MAN1B1: variants seen among roughly 807,000 people sequenced by gnomAD.
MAN1B1 encodes mannosidase alpha class 1B member 1.
Under a neutral mutation model 75.5 loss-of-function variants are expected in MAN1B1, and 66 were observed. That is an observed-to-expected ratio of 0.87 (90% CI 0.72 to 1.07). The LOEUF (loss-of-function observed/expected upper bound fraction) is 1.07. Among genes scored for constraint, MAN1B1 ranks in the 50% least tolerant of loss-of-function variants. The probability of loss-of-function intolerance (pLI) is 0.00; values close to 1 mark genes in which losing one functional copy is unlikely to be tolerated. For missense variants in MAN1B1, 973 were observed against 912.5 expected (o/e 1.07, Z -0.85); for synonymous variants, 453 against 382.8 (o/e 1.18, Z -2.14).
intron 8 of MAN1B1, chr9:137,104,233 C>CTTTTTTTTTTT (rs377641269): frequency 3.5e-6 from 1 of 286,712 alleles, no homozygotes; most frequent in African/African-American, 2.3e-5. Flanking sequence ...ACGATTTGTC[C>CTTTTTTTTTTT]TTTTTTTGTT....
At position 137,107,365 on chromosome 9, in the gene MAN1B1, G is replaced by T; in HGVS notation, c.1682G>T (p.Arg561Leu). The T allele has an allele frequency of 6.2e-7, 1 of 1,613,400 alleles. No homozygotes were observed. The highest frequency in any genetic ancestry group is 1.7e-5 in the Admixed American group (1 of 60,028). Residue 561 changes from arginine to leucine, a missense_variant, in exon 11 of 13, where the codon CGG (arginine) becomes CTG (leucine). Arg to Leu is a moderately radical substitution (Grantham distance 102). Coordinates refer to ENST00000371589, the MANE Select transcript of MAN1B1 (RefSeq NM_016219.5). ...ELMETCYQMN[R>L]QMETGLSPEI... Reference sequence around the variant, plus strand: ...ATGGAGACTTGTTACCAGATGAACCGGCAGATGGAGACGGGGCTGAGTCCC... The same window carrying T: ...ATGGAGACTTGTTACCAGATGAACCTGCAGATGGAGACGGGGCTGAGTCCC...
In MAN1B1 at chr9:137,108,039, A is replaced by AGAG. The variant is rs376619270; in HGVS notation, c.1897-348_1897-346dup. The AGAG allele has an allele frequency of 1.0e-3, 617 of 611,074 alleles. 4 individuals carry two copies. The African/African-American group carries it at 0.011, about 11-fold the overall frequency. 37.9% of individuals were successfully genotyped at this position (611,074 alleles called of 1,614,324 possible). On this transcript the variant is annotated intron_variant, in intron 12 of 12. Coordinates refer to ENST00000371589, the MANE Select transcript of MAN1B1 (RefSeq NM_016219.5). ...TGTTTTAGGTCACGCCCTCCACGCC[A>AGAG]GAGTGTCACTTCCTGGCTCTGCTGT...
chr9:137,103,842 C>T, intron 8 of MAN1B1: 4 of 453,772 alleles, frequency 8.8e-6, no homozygotes, highest in South Asian at 4.7e-5. Flanking sequence ...GGTGGTGTTA[C>T]ACACATTCAC....
intron 8 of MAN1B1, chr9:137,105,885 G>A: frequency 1.5e-6 from 1 of 668,324 alleles, no homozygotes; most frequent in South Asian, 1.5e-5. Context: ...TCAGCTCTGT[G>A]GTGACCACCC....
intron 12 of MAN1B1, chr9:137,108,123 C>G (rs1356023114): frequency 1.6e-6 from 1 of 610,794 alleles, no homozygotes; most frequent in African/African-American, 1.9e-5. Context: ...TGCCCTGTGC[C>G]CTGTGCGGCA....
intron 1 of MAN1B1, chr9:137,087,453 C>T: frequency 1.4e-6 from 1 of 696,600 alleles, no homozygotes; most frequent in South Asian, 1.5e-5. Context: ...GAAGAGGGCT[C>T]AGAGCCCCAG....
At chr9:137,090,129 C>T (rs1830479407) in intron 3 of MAN1B1, among the ~76,000 whole-genome samples, 1 of 152,118 alleles carries the variant, frequency 6.6e-6, no homozygotes, top group Admixed American at 6.5e-5. Flanking sequence ...GGAAAACGTC[C>T]TGTCAGTGAA....
rs748121313 is a variant in MAN1B1 at position 137,087,108 on chromosome 9, A to C, written c.109A>C (p.Met37Leu). ...APWAVATTVV[M>L]YPPPPPPPHR... ...TTGGGCCGTCGCCACCACTGTAGTCATGTACCCACCGCCGCCGCCGCCGCC... is the reference window on the plus strand; with the variant it reads ...TTGGGCCGTCGCCACCACTGTAGTCCTGTACCCACCGCCGCCGCCGCCGCC... Residue 37 changes from methionine (M) to leucine (L), a missense_variant, in exon 1 of 13, where the codon ATG (methionine) becomes CTG (leucine). Physicochemically the swap from Met to Leu is conservative, Grantham distance 15. Transcript: ENST00000371589. 2.5e-6 allele frequency: 4 copies of C among 1,596,134 alleles called. No individual in the cohort carries two copies. Among genetic ancestry groups the C allele is most frequent in the South Asian group, 2.3e-5 (2 of 88,310 alleles).
Position 137,101,632 on chromosome 9 carries a change from TC to T in MAN1B1, c.1216del (p.Arg406GlyfsTer19), listed in dbSNP as rs1341045391. The T allele has an allele frequency of 6.2e-6, 10 of 1,613,230 alleles. No individual in the cohort carries two copies. Among genetic ancestry groups the T allele is most frequent in the African/African-American group, 2.7e-5 (2 of 74,946 alleles). On this transcript the variant is annotated frameshift_variant, in exon 8 of 13. Coordinates refer to ENST00000371589, the MANE Select transcript of MAN1B1 (RefSeq NM_016219.5). LOFTEE classifies it high-confidence loss of function. ...GAGGTGACCAGCATTCAGCTGGAGT[TC>T]CGGGAGCTCTCCCGTCTCACAGGGG... ...VAEVTSIQLEFRELSRLTGDK... is the reference protein window; with the variant it reads ...VAEVTSIQLEXRELSRLTGDK...
intron 3 of MAN1B1, among the ~76,000 whole-genome samples, chr9:137,093,418 G>T (rs1830568458): frequency 6.6e-6 from 1 of 152,058 alleles, no homozygotes; most frequent in Non-Finnish European, 1.5e-5. Context: ...ACAATCACAA[G>T]AAAAGAATGC....
chr9:137,099,616 A>T, intron 5 of MAN1B1, 80 bp from the exon 6 acceptor site: 1 of 1,470,038 alleles, frequency 6.8e-7, no homozygotes, highest in Non-Finnish European at 9.5e-7. Flanking sequence ...GGGTCACAGC[A>T]GTGCTCTGCC....
chr9:137,092,173 T>C (rs1258987063), intron 3 of MAN1B1, among the ~76,000 whole-genome samples: 1 of 150,778 alleles, frequency 6.6e-6, no homozygotes, highest in Non-Finnish European at 1.5e-5. Flanking sequence ...CCAGTCTGGG[T>C]AACACGGTGA....
rs1472651408 is a variant in MAN1B1 at position 137,096,172 on chromosome 9, A to G, written c.466-65A>G. ...TGTGGGCTGCACCTGAGGGCGTCCC[A>G]TAGAGGGAAAGAAGGGCAGCTCGCA... On this transcript the variant is annotated intron_variant, in intron 3 of 12. Transcript: ENST00000371589. 2.5e-6 allele frequency: 4 copies of G among 1,571,034 alleles called. No homozygotes were observed. The African/African-American group carries it at 5.4e-5, about 21-fold the overall frequency.
At chr9:137,091,528 T>TA (rs1490224984) in intron 3 of MAN1B1, among the ~76,000 whole-genome samples, 280 of 144,670 alleles carry the variant, frequency 1.9e-3, no homozygotes, top group African/African-American at 6.7e-3. Context: ...TATATTTTTT[T>TA]TTTTTTTTTT....
At chr9:137,092,143 G>C (rs1295177775) in intron 3 of MAN1B1, among the ~76,000 whole-genome samples, 3 of 152,088 alleles carry the variant, frequency 2.0e-5, no homozygotes, top group Non-Finnish European at 4.4e-5. Context: ...CAGAGGCCAA[G>C]GCAGGCAGAT....
intron 10 of MAN1B1, 172 bp from the exon 11 acceptor site, chr9:137,107,078 G>C: frequency 1.3e-6 from 1 of 787,166 alleles, no homozygotes; most frequent in Non-Finnish European, 2.0e-6. Flanking sequence ...GGGCCGGGTT[G>C]GAGGGCCTGG....
intron 4 of MAN1B1, 126 bp downstream of exon 4, chr9:137,096,517 C>T (rs1588592771): frequency 7.8e-7 from 1 of 1,283,980 alleles, no homozygotes; most frequent in Non-Finnish European, 1.1e-6. Context: ...GCTCTGTAAT[C>T]TGTCCTCATT....
At position 137,087,099 on chromosome 9, in the gene MAN1B1, A is replaced by G. The variant is rs754790007; in HGVS notation, c.100A>G (p.Thr34Ala). 4 of 1,598,060 alleles carry G rather than the reference A, an allele frequency of 2.5e-6. No individual in the cohort carries two copies. The highest frequency in any genetic ancestry group is 1.1e-5 in the South Asian group (1 of 88,498). The change falls in exon 1 of 13, where the codon ACT becomes GCT. Residue 34 changes from threonine to alanine, a missense_variant. Physicochemically the swap from Thr to Ala is moderately conservative, Grantham distance 58. Transcript: ENST00000371589. ...VGGAPWAVAT[T>A]VVMYPPPPPP... ...CGGGGCCCCTTGGGCCGTCGCCACCACTGTAGTCATGTACCCACCGCCGCC... is the reference window on the plus strand; with the variant it reads ...CGGGGCCCCTTGGGCCGTCGCCACCGCTGTAGTCATGTACCCACCGCCGCC...
Position 137,106,675 on chromosome 9 carries a change from G to C in MAN1B1, c.1446-14G>C. ...ACCGTCCTGGTAGAGTGAGATGACT[G>C]CTGGTGTCCACAGGCTGCTGGAAGA... On this transcript the variant is annotated splice_polypyrimidine_tract_variant and intron_variant, in intron 9 of 12. Transcript: ENST00000371589. 2 of 1,613,292 alleles carry C rather than the reference G, an allele frequency of 1.2e-6. 1 individual carries two copies. Among genetic ancestry groups the C allele is most frequent in the South Asian group, 2.2e-5 (2 of 91,066 alleles).
Sources: allele counts gnomAD v4.1 joint callset (sites outside exome capture counted in the v4.1 genomes callset), GRCh38; gene constraint gnomAD v4.1.1; transcripts MANE v1.5; gene names NCBI Gene and HGNC (gene_info 2026-07-23, HGNC 2026-07-21).